The following FGR variants were observed in gnomAD, a reference collection of about 807,000 sequenced individuals.
FGR encodes the protein tyrosine-protein kinase Fgr.
FGR carries 26 observed loss-of-function variants against 63.2 expected under a neutral mutation model. The ratio of observed to expected loss-of-function variants is 0.41; its 90% confidence interval spans 0.30 to 0.57. The LOEUF (loss-of-function observed/expected upper bound fraction) is 0.57, where lower values mean the gene tolerates loss of function less well. FGR is among the 20% of genes least tolerant of loss of function. The probability of loss-of-function intolerance (pLI) is 0.27; values close to 1 mark genes in which losing one functional copy is unlikely to be tolerated. For synonymous variants in FGR, 286 were observed against 277.7 expected (o/e 1.03, Z -0.30); for missense variants, 511 against 690.8 (o/e 0.74, Z 2.92).
At position 27,615,396 on chromosome 1, in the gene FGR, C is replaced by T; in HGVS notation, c.1018+38G>A. ...CGCCTGAAAACTCCCCTCTTAACTTCACCCCGAATCCCGCCCGACCAGGCT... is the reference window on the plus strand; with the variant it reads ...CGCCTGAAAACTCCCCTCTTAACTTTACCCCGAATCCCGCCCGACCAGGCT... On this transcript the variant is annotated intron_variant, in intron 9 of 12. Coordinates refer to ENST00000374005, the MANE Select transcript of FGR (RefSeq NM_005248.3). The surrounding 1 kb of genome is among the most constrained non-coding windows in gnomAD (Gnocchi z 7.6). 1 of 1,578,646 alleles carries T rather than the reference C, an allele frequency of 6.3e-7. No homozygotes were observed. The highest frequency in any genetic ancestry group is 1.3e-5 in the African/African-American group (1 of 74,502).
At chr1:27,630,187 G>C (rs1034492596) in intron 1 of FGR, among the ~76,000 whole-genome samples, 1 of 152,044 alleles carries the variant, frequency 6.6e-6, no homozygotes, top group African/African-American at 2.4e-5. Context: ...TGAGTAGCTG[G>C]GACTACAGGC....
At position 27,623,834 on chromosome 1, in the gene FGR, T is replaced by C. The variant is rs891652600; in HGVS notation, c.83A>G (p.Tyr28Cys). The change falls in exon 3 of 13, where the codon TAC becomes TGC. Residue 28 changes from tyrosine (Y) to cysteine (C), a missense_variant. Coordinates refer to ENST00000374005, the MANE Select transcript of FGR (RefSeq NM_005248.3). The stretch of plus-strand genomic sequence containing the variant: ...AGGCCCATAGTGGTCTGCTGCCCCG[T>C]AGCTTCTGAAGTCCCCTTCCAGGCC... ...DAGLEGDFRS[Y>C]GAADHYGPDP... 1.2e-6 allele frequency: 2 copies of C among 1,614,048 alleles called. No homozygotes were observed. The highest frequency in any genetic ancestry group is 4.5e-5 in the East Asian group (2 of 44,896).
At chr1:27,624,438 A>G (rs549805814) in intron 2 of FGR, among the ~76,000 whole-genome samples, 16 of 152,032 alleles carry the variant, frequency 1.1e-4, no homozygotes, top group African/African-American at 3.9e-4. Context: ...AGGTCTTGCT[A>G]TATTGCTCAG....
At chr1:27,624,739 CTG>C (rs1168011109) in intron 2 of FGR, among the ~76,000 whole-genome samples, 1 of 151,788 alleles carries the variant, frequency 6.6e-6, no homozygotes, top group Non-Finnish European at 1.5e-5. Context: ...GTGGGTGTCT[CTG>C]TGTCTGTGTG....
intron 1 of FGR, among the ~76,000 whole-genome samples, chr1:27,629,324 T>G (rs1308718019): frequency 6.6e-6 from 1 of 152,100 alleles, no homozygotes; most frequent in Non-Finnish European, 1.5e-5. Context: ...TCCTGAAAGC[T>G]GGGGTGGAAG....
chr1:27,613,396 G>A, intron 11 of FGR, 46 bp from the exon 12 acceptor site: 1 of 1,602,902 alleles, frequency 6.2e-7, no homozygotes, highest in Non-Finnish European at 8.5e-7. Context: ...GGGGTCCCTG[G>A]AAACAGCTGG....
chr1:27,630,498 C>A (rs1270167917), intron 1 of FGR, among the ~76,000 whole-genome samples: 1 of 152,126 alleles, frequency 6.6e-6, no homozygotes, highest in Non-Finnish European at 1.5e-5. Context: ...TCTTAAGGAG[C>A]ACCTAGTGTT....
chr1:27,620,078 A>G (rs1181569762), intron 5 of FGR, among the ~76,000 whole-genome samples: 1 of 152,166 alleles, frequency 6.6e-6, no homozygotes, highest in Non-Finnish European at 1.5e-5. Context: ...GCACTTTGGG[A>G]GTCTGAGGCA....
Position 27,615,678 on chromosome 1 carries a change from G to C in FGR, c.838+11C>G. 6.3e-7 allele frequency: 1 copy of C among 1,594,430 alleles called. No individual in the cohort carries two copies. The highest frequency in any genetic ancestry group is 8.6e-7 in the Non-Finnish European group (1 of 1,165,290). On this transcript the variant is annotated intron_variant, in intron 8 of 12. Transcript: ENST00000374005. This position sits in a 1 kb window ranked among gnomAD's most constrained non-coding sequence, Gnocchi z 7.6. ...CCCAGGCCCTCGTCCCGGCCCCCGG[G>C]AGCTCCGTACCCAGCCACACATCCC...
At chr1:27,634,755 C>A (rs2090154998) in intron 1 of FGR, among the ~76,000 whole-genome samples, 1 of 151,908 alleles carries the variant, frequency 6.6e-6, no homozygotes, top group Non-Finnish European at 1.5e-5. Flanking sequence ...CCCACCTCAG[C>A]CCCCTTCCTA....
chr1:27,613,433 T>C (rs916455319), intron 11 of FGR, 83 bp from the exon 12 acceptor site: 1 of 1,494,948 alleles, frequency 6.7e-7, no homozygotes, highest in African/African-American at 1.4e-5. Context: ...CTGGGCGCAG[T>C]GGCTCACGTC....
At chr1:27,630,709 A>G (rs917038350) in intron 1 of FGR, among the ~76,000 whole-genome samples, 26 of 152,292 alleles carry the variant, frequency 1.7e-4, no homozygotes, top group African/African-American at 6.3e-4. Flanking sequence ...GGGGCAGCTC[A>G]GAGAGTAGCC....
chr1:27,620,245 A>G (rs1355036033), intron 5 of FGR, among the ~76,000 whole-genome samples: 1 of 152,112 alleles, frequency 6.6e-6, no homozygotes, highest in Non-Finnish European at 1.5e-5. Flanking sequence ...TGAACTCAGG[A>G]GGTGGAGGTT....
chr1:27,623,119 G>A lies in FGR; in HGVS notation c.252C>T (p.Ala84=). 6.2e-7 allele frequency: 1 copy of A among 1,614,040 alleles called. No homozygotes were observed. The highest frequency in any genetic ancestry group is 8.5e-7 in the Non-Finnish European group (1 of 1,179,928). The change falls in exon 4 of 13, where the codon GCC becomes GCT. Residue 84 remains alanine, a synonymous_variant. Transcript: ENST00000374005. ...CAGTTCGAGCCTCATAGTCATACAGGGCAATGAACAGGGTCACCCCAATCC... is the reference window on the plus strand; with the variant it reads ...CAGTTCGAGCCTCATAGTCATACAGAGCAATGAACAGGGTCACCCCAATCC... The part of the protein sequence containing the change: ...VSGIGVTLFI[A]LYDYEARTED...
At chr1:27,631,288 G>A (rs531089675) in intron 1 of FGR, among the ~76,000 whole-genome samples, 1 of 152,162 alleles carries the variant, frequency 6.6e-6, no homozygotes, top group Non-Finnish European at 1.5e-5. Flanking sequence ...CTGTCATATG[G>A]CAGCTGGTCA....
At chr1:27,628,642 T>C (rs1436120863) in intron 1 of FGR, among the ~76,000 whole-genome samples, 1 of 152,090 alleles carries the variant, frequency 6.6e-6, no homozygotes, top group African/African-American at 2.4e-5. Flanking sequence ...TCTCTCATGT[T>C]CACACACAGA....
chr1:27,627,340 G>T (rs1448109741), intron 1 of FGR, among the ~76,000 whole-genome samples: 1 of 151,856 alleles, frequency 6.6e-6, no homozygotes, highest in Non-Finnish European at 1.5e-5. Flanking sequence ...ACAGGCTCCA[G>T]GCTCCTCTGC....
At position 27,613,441 on chromosome 1, in the gene FGR, G is replaced by A. The variant is rs531850509; in HGVS notation, c.1250-91C>T. The A allele has an allele frequency of 5.4e-5, 78 of 1,435,892 alleles. No homozygotes were observed. In the Admixed American group the frequency reaches 1.1e-3, roughly 20 times the overall value. The allele number at this position is 1,435,892 out of a possible 1,614,324, so 88.9% of individuals were successfully genotyped here. On this transcript the variant is annotated intron_variant, in intron 11 of 12. Transcript: ENST00000374005. ...ATGGGGTCTGGGCGCAGTGGCTCAC[G>A]TCTGTAATCCCAGCACTTTGGGAGG...
At chr1:27,632,785 T>A (rs889619648) in intron 1 of FGR, among the ~76,000 whole-genome samples, 1 of 152,078 alleles carries the variant, frequency 6.6e-6, no homozygotes, top group African/African-American at 2.4e-5. Context: ...GATGGGAGTC[T>A]AGATTTCACA....
Sources: allele counts gnomAD v4.1 joint callset (sites outside exome capture counted in the v4.1 genomes callset), GRCh38; gene constraint gnomAD v4.1.1; non-coding constraint Gnocchi (gnomAD v3.1); transcripts MANE v1.5; gene names NCBI Gene and HGNC (gene_info 2026-07-23, HGNC 2026-07-21).